MINDY4B: variants seen among roughly 807,000 people sequenced by gnomAD.
The protein encoded by MINDY4B is MINDY family member 4B, also known as inactive ubiquitin carboxyl-terminal hydrolase MINDY-4B.
In MINDY4B, 25 loss-of-function variants were observed where a neutral mutation model predicts 16.7. That is an observed-to-expected ratio of 1.49 (90% CI 1.09 to 2.09). The LOEUF is 2.09. MINDY4B is among the 30% of genes most tolerant of loss of function. The probability of loss-of-function intolerance (pLI) is 0.00; values close to 1 mark genes in which losing one functional copy is unlikely to be tolerated. For missense variants in MINDY4B, 327 were observed against 168.4 expected (o/e 1.94, Z -5.21); for synonymous variants, 132 against 61.9 (o/e 2.13, Z -5.32).
intron 11 of MINDY4B, among the ~76,000 whole-genome samples, chr3:150,871,861 C>G (rs542080787): frequency 6.6e-6 from 1 of 152,104 alleles, no homozygotes; most frequent in Non-Finnish European, 1.5e-5. Flanking sequence ...ACCAACCAAC[C>G]GACCCCACTT....
chr3:150,883,159 G>C (rs1175664007), intron 9 of MINDY4B, 101 bp from the exon 10 acceptor site: 1 of 577,996 alleles, frequency 1.7e-6, no homozygotes, highest in Non-Finnish European at 3.1e-6. Context: ...TTAGTGAAAA[G>C]AATGAAATCA....
intron 10 of MINDY4B, among the ~76,000 whole-genome samples, chr3:150,875,636 T>A (rs970933767): frequency 6.6e-6 from 1 of 152,158 alleles, no homozygotes; most frequent in Non-Finnish European, 1.5e-5. Context: ...CTACTCAAGA[T>A]TTTGTTCTAG....
chr3:150,871,639 G>A (rs112634409), intron 11 of MINDY4B, among the ~76,000 whole-genome samples: 2,631 of 152,034 alleles, frequency 0.017, 85 homozygotes, highest in African/African-American at 0.06. Flanking sequence ...ATCTGAGGTC[G>A]GGAGTTCGAG....
chr3:150,903,573 G>A (rs1712166880), intron 2 of MINDY4B, among the ~76,000 whole-genome samples, 157 bp from the exon 3 acceptor site: 1 of 152,134 alleles, frequency 6.6e-6, no homozygotes, highest in South Asian at 2.1e-4. Flanking sequence ...AATAAAAGAG[G>A]CAGAAAAATC....
chr3:150,904,087 A>G (rs571335349), intron 2 of MINDY4B, among the ~76,000 whole-genome samples: 1 of 152,340 alleles, frequency 6.6e-6, no homozygotes, highest in East Asian at 1.9e-4. Flanking sequence ...CTGTATTCCT[A>G]GAGGCAAAGA....
chr3:150,883,868 G>A (rs1032364687), intron 8 of MINDY4B, 96 bp from the exon 9 acceptor site: 8 of 675,746 alleles, frequency 1.2e-5, no homozygotes, highest in East Asian at 8.1e-5. Context: ...GCAGTAACAC[G>A]GGCTCTCCTA....
At chr3:150,885,524 G>T in intron 7 of MINDY4B, 86 bp from the exon 8 acceptor site, 1 of 675,822 alleles carries the variant, frequency 1.5e-6, no homozygotes, top group Non-Finnish European at 2.7e-6. Flanking sequence ...GGATTTACAG[G>T]CTGAGAGAAT....
At chr3:150,880,305 CTG>C (rs60659488) in intron 10 of MINDY4B, among the ~76,000 whole-genome samples, 2,539 of 149,808 alleles carry the variant, frequency 0.017, 36 homozygotes, top group Admixed American at 0.051. Context: ...AGGTTCCCAT[CTG>C]TGTGTGTGTG....
chr3:150,878,933 A>G (rs1274078767), intron 10 of MINDY4B, among the ~76,000 whole-genome samples: 1 of 152,202 alleles, frequency 6.6e-6, no homozygotes, highest in Non-Finnish European at 1.5e-5. Flanking sequence ...GTGATCCAGA[A>G]AAAACAGCAG....
intron 8 of MINDY4B, among the ~76,000 whole-genome samples, chr3:150,885,150 G>A (rs1425223563): frequency 6.6e-6 from 1 of 152,206 alleles, no homozygotes; most frequent in African/African-American, 2.4e-5. Context: ...ACCTACTAGG[G>A]TATTGTAAGA....
chr3:150,892,809 A>G lies in MINDY4B; in HGVS notation c.521+515T>C, dbSNP rs572854871. On this transcript the variant is annotated intron_variant, in intron 5 of 11. Coordinates refer to ENST00000465419, the MANE Select transcript of MINDY4B (RefSeq NM_001351281.2). ...AAAAAAAAAAAAAATACAAAAAATTAGCCGGGTGTAATCCCAGCTACTCAG... is the reference window on the plus strand; with the variant it reads ...AAAAAAAAAAAAAATACAAAAAATTGGCCGGGTGTAATCCCAGCTACTCAG... Among the ~76,000 whole-genome samples the G allele has an allele frequency of 3.3e-5, 5 of 150,840 alleles. No individual in the cohort carries two copies. In the South Asian group the frequency reaches 1.1e-3, roughly 32 times the overall value.
At position 150,873,303 on chromosome 3, in the gene MINDY4B, C is replaced by T. The variant is rs1238507368; in HGVS notation, c.1124G>A (p.Ser375Asn). 3 of 702,676 alleles carry T rather than the reference C, an allele frequency of 4.3e-6. No homozygotes were observed. In the African/African-American group the frequency reaches 5.2e-5, roughly 12 times the overall value. The allele number at this position is 702,676 out of a possible 1,614,324, so 43.5% of individuals were successfully genotyped here. A position where few individuals can be genotyped will look rare whatever the true frequency, so the allele number is the denominator to read the frequency against. Residue 375 changes from serine (S) to asparagine (N), a missense_variant, in exon 11 of 12, where the codon AGC becomes AAC. Transcript: ENST00000465419. ...CTGCCTGTTTGTGCAAAAAAGGATG[C>T]TGTAATTTCCATTGATGTTGCACAG... ...IWLCNINGNY[S>N]ILFCTNRQLL...
intron 6 of MINDY4B, chr3:150,890,670 G>A (rs930832501): frequency 3.8e-5 from 19 of 495,428 alleles, no homozygotes; most frequent in Admixed American, 2.8e-4. Context: ...GCTGTCTTTC[G>A]GACAGTGGAT....
At chr3:150,900,508 C>G (rs150460402) in intron 3 of MINDY4B, among the ~76,000 whole-genome samples, 752 of 152,276 alleles carry the variant, frequency 4.9e-3, no homozygotes, top group Admixed American at 8.4e-3. Flanking sequence ...AACTGCCTCC[C>G]TAGAACAAGC....
chr3:150,886,269 A>G (rs143988921), intron 7 of MINDY4B, among the ~76,000 whole-genome samples: 1 of 152,358 alleles, frequency 6.6e-6, no homozygotes, highest in Non-Finnish European at 1.5e-5. Flanking sequence ...GTGCAGAGTT[A>G]AAACATCTTC....
intron 8 of MINDY4B, among the ~76,000 whole-genome samples, chr3:150,884,886 G>A (rs1490721846): frequency 6.6e-6 from 1 of 152,104 alleles, no homozygotes; most frequent in African/African-American, 2.4e-5. Context: ...GATACCTCCT[G>A]GGACTTGCCC....
intron 10 of MINDY4B, among the ~76,000 whole-genome samples, chr3:150,875,727 G>A (rs563089095): frequency 6.6e-5 from 10 of 152,300 alleles, no homozygotes; most frequent in Admixed American, 1.3e-4. Context: ...TAGTGAGCAA[G>A]CAGAACCTTG....
Position 150,889,251 on chromosome 3 carries a change from C to T in MINDY4B, c.753+1069G>A, listed in dbSNP as rs148611542. Among the ~76,000 whole-genome samples, 941 of 152,344 alleles carry T rather than the reference C, an allele frequency of 6.2e-3. 9 individuals are homozygous for T. Among genetic ancestry groups the T allele is most frequent in the Admixed American group, 9.7e-3 (148 of 15,310 alleles). On this transcript the variant is annotated intron_variant, in intron 7 of 11. Coordinates refer to ENST00000465419, the MANE Select transcript of MINDY4B (RefSeq NM_001351281.2). The stretch of plus-strand genomic sequence containing the variant: ...AGCAGGGCAGCTTCCCTTCTAGCAA[C>T]GCGAGAGAAGAATCTGTTTCCTAGT...
rs910323041 is a variant in MINDY4B at position 150,883,779 on chromosome 3, A to G, written c.825-7T>C. 1.0e-5 allele frequency: 7 copies of G among 702,568 alleles called. No individual in the cohort carries two copies. In the African/African-American group the frequency reaches 1.2e-4, roughly 12 times the overall value. The allele number at this position is 702,568 out of a possible 1,614,324, so 43.5% of individuals were successfully genotyped here. On this transcript the variant is annotated splice_region_variant and splice_polypyrimidine_tract_variant and intron_variant, in intron 8 of 11. Coordinates refer to ENST00000465419, the MANE Select transcript of MINDY4B (RefSeq NM_001351281.2). ...ATCTAGGTCCATTTGAAGCCTGCAG[A>G]GTGGGAGAAGCCATCAGCATCCAGT... is the stretch of plus-strand genomic sequence containing the variant.
Sources: gnomAD v4.1 joint callset for allele counts (sites outside exome capture counted in the v4.1 genomes callset) on GRCh38, gnomAD v4.1.1 for gene constraint, MANE v1.5 for transcripts, NCBI Gene and HGNC (gene_info 2026-07-23, HGNC 2026-07-21) for gene names.